CHL1: variants seen among roughly 807,000 people sequenced by gnomAD.
The protein encoded by CHL1 is neural cell adhesion molecule L1-like protein.
In CHL1, 96 loss-of-function variants were observed where a neutral mutation model predicts 141.9. The observed-to-expected ratio is 0.68, with a 90% CI of 0.57 to 0.80. The LOEUF is 0.80. Ranked by LOEUF, CHL1 falls within the 30% of genes least tolerant of loss-of-function variation. The pLI, the probability that CHL1 is intolerant of heterozygous loss-of-function variation, is 0.00. For missense variants in CHL1, 1,820 were observed against 1,457.2 expected (o/e 1.25, Z -4.05); for synonymous variants, 613 against 502.2 (o/e 1.22, Z -2.95).
Position 401,655 on chromosome 3 carries a change from C to T in CHL1, c.3415C>T (p.Pro1139Ser). The T allele has an allele frequency of 1.9e-6, 3 of 1,595,264 alleles. No homozygotes were observed. Among genetic ancestry groups the T allele is most frequent in the South Asian group, 1.1e-5 (1 of 87,708 alleles). The change falls in exon 27 of 28, where the codon CCA becomes TCA. Residue 1139 changes from proline (P) to serine (S), a missense_variant. By Grantham distance (74) the Pro-to-Ser change is moderately conservative (BLOSUM62 -1). Coordinates refer to ENST00000256509, the MANE Select transcript of CHL1 (RefSeq NM_006614.4). ...AGAAAAGGAAGATTTGCATCCAGAC[C>T]CAGAAATTCAGTCAGTAAAAGATGA... ...VKEKEDLHPD[P>S]EIQSVKDETF...
At chr3:321,312 C>T (rs62227233) in intron 3 of CHL1, among the ~76,000 whole-genome samples, 27,425 of 151,920 alleles carry the variant, frequency 0.18, 3,435 homozygotes, top group African/African-American at 0.36. Flanking sequence ...TACAAATATA[C>T]AGACTTAAAG....
chr3:264,522 T>C (rs1330545771), intron 2 of CHL1, among the ~76,000 whole-genome samples: 1 of 152,202 alleles, frequency 6.6e-6, no homozygotes, highest in Admixed American at 6.5e-5. Flanking sequence ...ATGCCCCTGG[T>C]CTGTATCATT....
intron 2 of CHL1, among the ~76,000 whole-genome samples, chr3:286,543 G>A (rs773524370): frequency 1.6e-4 from 24 of 149,648 alleles, no homozygotes; most frequent in East Asian, 2.0e-4. Context: ...CTTAGTAGGC[G>A]TAGGTTGCAG....
At chr3:199,874 G>T (rs1349995878) in intron 1 of CHL1, among the ~76,000 whole-genome samples, 1 of 152,174 alleles carries the variant, frequency 6.6e-6, no homozygotes, top group Non-Finnish European at 1.5e-5. Flanking sequence ...ACTGATTTAA[G>T]ATTCTTGTAT....
chr3:390,809 G>T lies in CHL1; in HGVS notation c.2579G>T (p.Gly860Val). 1 of 1,596,372 alleles carries T rather than the reference G, an allele frequency of 6.3e-7. No individual in the cohort carries two copies. Among genetic ancestry groups the T allele is most frequent in the Non-Finnish European group, 8.6e-7 (1 of 1,164,112 alleles). The change falls in exon 21 of 28, where the codon GGC (glycine) becomes GTC (valine). Residue 860 changes from glycine to valine, a missense_variant. Coordinates refer to ENST00000256509, the MANE Select transcript of CHL1 (RefSeq NM_006614.4). ...GACAGAGTACATGGACGTCTGAAAG[G>T]CTATCAGGTTTTTATCATCATGGTT... ...PKDRVHGRLK[G>V]YQINWWKTKS...
intron 1 of CHL1, among the ~76,000 whole-genome samples, chr3:226,076 C>G (rs1305624532): frequency 6.6e-6 from 1 of 150,862 alleles, no homozygotes; most frequent in Non-Finnish European, 1.5e-5. Context: ...GGAGAGAGTG[C>G]GGAGGCACGA....
chr3:270,437 C>T (rs1695540895), intron 2 of CHL1, among the ~76,000 whole-genome samples: 1 of 152,098 alleles, frequency 6.6e-6, no homozygotes, highest in African/African-American at 2.4e-5. Context: ...CTACAGAGAC[C>T]TGATTGGTGT....
intron 1 of CHL1, among the ~76,000 whole-genome samples, chr3:209,426 A>G (rs1263441446): frequency 6.6e-6 from 1 of 152,218 alleles, no homozygotes; most frequent in Non-Finnish European, 1.5e-5. Context: ...TTAAGAAATT[A>G]TTTTAAAATA....
chr3:403,314 T>C (rs555875835), intron 27 of CHL1, among the ~76,000 whole-genome samples: 156 of 152,240 alleles, frequency 1.0e-3, no homozygotes, highest in Non-Finnish European at 1.9e-3. Flanking sequence ...GGAAGTGATA[T>C]CCCATCACTT....
intron 24 of CHL1, among the ~76,000 whole-genome samples, chr3:397,791 A>G (rs1264584536): frequency 6.6e-6 from 1 of 152,214 alleles, no homozygotes; most frequent in Admixed American, 6.5e-5. Context: ...ATGCTATTTC[A>G]TCAGTGTTTA....
chr3:343,068 A>G (rs1336217703), intron 8 of CHL1, 37 bp downstream of exon 8: 2 of 1,526,346 alleles, frequency 1.3e-6, no homozygotes, highest in Non-Finnish European at 1.8e-6. Context: ...GCATTTGTGT[A>G]TAGCTCATTG....
At chr3:254,988 C>T (rs1694025738) in intron 2 of CHL1, among the ~76,000 whole-genome samples, 1 of 152,194 alleles carries the variant, frequency 6.6e-6, no homozygotes, top group African/African-American at 2.4e-5. Flanking sequence ...TTGTCCCTAC[C>T]CTTTCCTCAG....
At chr3:335,902 A>C (rs1391338657) in intron 5 of CHL1, among the ~76,000 whole-genome samples, 3 of 152,238 alleles carry the variant, frequency 2.0e-5, no homozygotes, top group Non-Finnish European at 2.9e-5. Flanking sequence ...TGGCTGTACC[A>C]TGCAAAGTGA....
chr3:384,006 A>G (rs909947961), intron 19 of CHL1, 120 bp downstream of exon 19: 1 of 626,908 alleles, frequency 1.6e-6, no homozygotes, highest in African/African-American at 1.8e-5. Flanking sequence ...TTTGGAAATG[A>G]AATTAACTTG....
chr3:218,469 G>C (rs1371381320), intron 1 of CHL1, among the ~76,000 whole-genome samples: 1 of 152,132 alleles, frequency 6.6e-6, no homozygotes, highest in Admixed American at 6.5e-5. Flanking sequence ...TAGAGAAGAT[G>C]TTACCCACAT....
intron 2 of CHL1, among the ~76,000 whole-genome samples, chr3:259,834 G>C (rs1482762893): frequency 3.3e-5 from 5 of 152,126 alleles, no homozygotes; most frequent in Non-Finnish European, 2.9e-5. Flanking sequence ...TGGGCCTACA[G>C]AATTAGAATT....
At chr3:213,006 C>A (rs149930627) in intron 1 of CHL1, among the ~76,000 whole-genome samples, 3 of 152,134 alleles carry the variant, frequency 2.0e-5, no homozygotes, top group Admixed American at 6.6e-5. Flanking sequence ...CCAGTGTCAA[C>A]GGCAAACAAT....
At chr3:392,629 A>T (rs1481302777) in intron 23 of CHL1, among the ~76,000 whole-genome samples, 1 of 152,230 alleles carries the variant, frequency 6.6e-6, no homozygotes, top group Admixed American at 6.5e-5. Flanking sequence ...CAAGACATCA[A>T]TTCCCAAAAC....
Position 340,931 on chromosome 3 carries a change from G to A in CHL1, c.508+15G>A, listed in dbSNP as rs201083916. On this transcript the variant is annotated intron_variant, in intron 6 of 27. Transcript: ENST00000256509. Reference sequence around the variant, plus strand: ...GATGAATATTGGTAAGTAATGCTCCGTTCCATCAAAAAAGGGGGACATTTT... The same window carrying A: ...GATGAATATTGGTAAGTAATGCTCCATTCCATCAAAAAAGGGGGACATTTT... 5.2e-5 allele frequency: 83 copies of A among 1,601,644 alleles called. No homozygotes were observed. The highest frequency in any genetic ancestry group is 2.4e-4 in the African/African-American group (18 of 74,266).
Sources: allele counts gnomAD v4.1 joint callset (sites outside exome capture counted in the v4.1 genomes callset), GRCh38; gene constraint gnomAD v4.1.1; transcripts MANE v1.5; gene names NCBI Gene and HGNC (gene_info 2026-07-23, HGNC 2026-07-21).